The following CSGALNACT1 variants were observed in gnomAD, a reference collection of about 807,000 sequenced individuals.
CSGALNACT1 encodes beta4GalNAcT-1.
A neutral mutation model predicts 51.0 loss-of-function variants in CSGALNACT1; 52 were observed. The ratio of observed to expected loss-of-function variants is 1.02; its 90% CI spans 0.82 to 1.29. The LOEUF (loss-of-function observed/expected upper bound fraction) is 1.29. CSGALNACT1 is among the 50% of genes most tolerant of loss of function. CSGALNACT1 has a pLI of 0.00. For synonymous variants in CSGALNACT1, 341 were observed against 254.4 expected (o/e 1.34, Z -3.24); for missense variants, 935 against 679.2 (o/e 1.38, Z -4.19).
intron 4 of CSGALNACT1, among the ~76,000 whole-genome samples, chr8:19,469,011 G>A (rs1257071199): frequency 6.6e-6 from 1 of 152,106 alleles, no homozygotes; most frequent in Non-Finnish European, 1.5e-5. Context: ...GCAGAAGACA[G>A]CAGCATCAAG....
chr8:19,540,089 C>A (rs2084741612), intron 3 of CSGALNACT1, among the ~76,000 whole-genome samples: 1 of 152,196 alleles, frequency 6.6e-6, no homozygotes, highest in East Asian at 1.9e-4. Flanking sequence ...TAAACAACAT[C>A]ATTCCAGTTG....
chr8:19,722,145 T>G (rs1461562414), intron 1 of CSGALNACT1, among the ~76,000 whole-genome samples: 4 of 152,224 alleles, frequency 2.6e-5, no homozygotes, highest in African/African-American at 4.8e-5. Context: ...CTATCTTTTT[T>G]TCCTAATTAG....
chr8:19,694,973 C>G (rs538545203), intron 1 of CSGALNACT1, among the ~76,000 whole-genome samples: 3 of 152,164 alleles, frequency 2.0e-5, no homozygotes, highest in Non-Finnish European at 4.4e-5. Context: ...TTCAACAAGC[C>G]CCGGAGACAG....
At chr8:19,428,007 G>T (rs906380046) in intron 6 of CSGALNACT1, among the ~76,000 whole-genome samples, 2 of 152,114 alleles carry the variant, frequency 1.3e-5, no homozygotes, top group Non-Finnish European at 2.9e-5. Context: ...GAGGCTCAAG[G>T]TTGCTACCTT....
In CSGALNACT1 at chr8:19,408,709, C is replaced by G; in HGVS notation, c.1228-15G>C. 1.2e-6 allele frequency: 2 copies of G among 1,612,974 alleles called. No individual in the cohort carries two copies. The highest frequency in any genetic ancestry group is 2.2e-5 in the East Asian group (1 of 44,850). On this transcript the variant is annotated splice_polypyrimidine_tract_variant and intron_variant, in intron 8 of 9. Coordinates refer to ENST00000454498, the Ensembl canonical transcript of CSGALNACT1. ...TTCTTTATGACCTGCAAGAAAAGCACTGTCATTTGAGGGGAAAGTTTAGGG... is the reference window on the plus strand; with the variant it reads ...TTCTTTATGACCTGCAAGAAAAGCAGTGTCATTTGAGGGGAAAGTTTAGGG...
intron 3 of CSGALNACT1, among the ~76,000 whole-genome samples, chr8:19,572,001 A>G (rs1361256935): frequency 6.6e-6 from 1 of 152,220 alleles, no homozygotes; most frequent in Non-Finnish European, 1.5e-5. Flanking sequence ...TTCCCACATC[A>G]ATGGAACTTG....
At chr8:19,530,742 G>C (rs2082612679) in intron 3 of CSGALNACT1, among the ~76,000 whole-genome samples, 1 of 151,962 alleles carries the variant, frequency 6.6e-6, no homozygotes, top group Non-Finnish European at 1.5e-5. Context: ...TAAAGGAATA[G>C]AAAAGGAAAA....
chr8:19,464,599 G>A (rs892837132), intron 4 of CSGALNACT1, among the ~76,000 whole-genome samples: 5 of 152,146 alleles, frequency 3.3e-5, no homozygotes, highest in African/African-American at 1.2e-4. Flanking sequence ...CTGCCGAGAA[G>A]GAGGGGAGCA....
At chr8:19,508,137 G>A (rs2077730051) in intron 3 of CSGALNACT1, among the ~76,000 whole-genome samples, 1 of 152,234 alleles carries the variant, frequency 6.6e-6, no homozygotes, top group African/African-American at 2.4e-5. Context: ...CCGATGAGAA[G>A]AAGAGCTCAG....
intron 1 of CSGALNACT1, among the ~76,000 whole-genome samples, chr8:19,611,978 CTCCA>C (rs2052332162): frequency 6.6e-6 from 1 of 152,042 alleles, no homozygotes; most frequent in Non-Finnish European, 1.5e-5. Flanking sequence ...AATTCTAAGA[CTCCA>C]TCCAGCTTTG....
chr8:19,573,039 A>G (rs1458955848), intron 3 of CSGALNACT1, among the ~76,000 whole-genome samples: 4 of 152,230 alleles, frequency 2.6e-5, no homozygotes, highest in Non-Finnish European at 2.9e-5. Context: ...ACAGGGGACA[A>G]AGGATGAAAT....
At chr8:19,506,003 C>G (rs950766976) in exon 4 of CSGALNACT1, 3 of 744,448 alleles carry the variant, frequency 4.0e-6, no homozygotes, top group Non-Finnish European at 7.1e-6. Flanking sequence ...AACCACCACA[C>G]AGAGCAGCTT....
intron 3 of CSGALNACT1, among the ~76,000 whole-genome samples, chr8:19,571,833 T>C (rs959859883): frequency 1.3e-5 from 2 of 152,246 alleles, no homozygotes; most frequent in Non-Finnish European, 2.9e-5. Flanking sequence ...AAGGGCTGCC[T>C]GGAAAGCTAA....
At chr8:19,679,452 G>A (rs955562819) in intron 1 of CSGALNACT1, among the ~76,000 whole-genome samples, 3 of 151,980 alleles carry the variant, frequency 2.0e-5, no homozygotes, top group African/African-American at 4.8e-5. Flanking sequence ...GGGAGATCCT[G>A]CCTCAAAAAA....
chr8:19,433,314 C>A (rs963246698), intron 6 of CSGALNACT1, among the ~76,000 whole-genome samples: 1 of 152,152 alleles, frequency 6.6e-6, no homozygotes, highest in African/African-American at 2.4e-5. Flanking sequence ...TTCCACAGAG[C>A]CTGAAGGTCA....
chr8:19,648,076 A>C (rs192365528), intron 1 of CSGALNACT1, among the ~76,000 whole-genome samples: 4 of 152,328 alleles, frequency 2.6e-5, no homozygotes, highest in Admixed American at 6.5e-5. Context: ...CAATATCTCA[A>C]GAATACTTTG....
intron 3 of CSGALNACT1, among the ~76,000 whole-genome samples, chr8:19,552,037 T>C (rs879737280): frequency 6.6e-6 from 1 of 152,200 alleles, no homozygotes; most frequent in Non-Finnish European, 1.5e-5. Context: ...ACATCAATTT[T>C]TTAGTCTACA....
In CSGALNACT1 at chr8:19,439,993, C is replaced by T. The variant is rs76126315; in HGVS notation, c.852-62G>A. On this transcript the variant is annotated intron_variant, in intron 5 of 9. Transcript: ENST00000454498. ...TTCACACTGACAGGCACAGCACAAACCAATACCTTTTTGTAAAGTGCAAAA... is the reference window on the plus strand; with the variant it reads ...TTCACACTGACAGGCACAGCACAAATCAATACCTTTTTGTAAAGTGCAAAA... The T allele has an allele frequency of 4.6e-3, 6,302 of 1,371,556 alleles. 240 individuals are homozygous for T. The African/African-American group carries it at 0.077, about 17-fold the overall frequency. The allele number at this position is 1,371,556 out of a possible 1,614,324, so 85.0% of individuals were successfully genotyped here.
At chr8:19,485,552 A>C (rs976738011) in intron 4 of CSGALNACT1, among the ~76,000 whole-genome samples, 4 of 152,102 alleles carry the variant, frequency 2.6e-5, no homozygotes, top group Non-Finnish European at 5.9e-5. Flanking sequence ...TTCTTCCCTA[A>C]GGGCTAAACA....
Sources: allele counts gnomAD v4.1 joint callset (sites outside exome capture counted in the v4.1 genomes callset), GRCh38; gene constraint gnomAD v4.1.1; transcripts MANE v1.5; gene names NCBI Gene and HGNC (gene_info 2026-07-23, HGNC 2026-07-21).